Variants in DEFA5 observed in about 807,000 individuals in gnomAD.
DEFA5 encodes the protein HD5(20-94).
Under a neutral mutation model 8.7 loss-of-function variants are expected in DEFA5, and 11 were observed. That is an observed-to-expected ratio of 1.26 (90% confidence interval 0.80 to 2.09). DEFA5 has a LOEUF of 2.09. Among genes scored for constraint, DEFA5 ranks in the 30% most tolerant of loss-of-function variants. DEFA5 has a pLI of 0.00. For synonymous variants in DEFA5, 52 were observed against 43.9 expected (o/e 1.18, Z -0.73); for missense variants, 181 against 117.2 (o/e 1.54, Z -2.52).
In DEFA5 at chr8:7,055,551, A is replaced by G; in HGVS notation, c.173-8T>C. ...TGGCTCTTGCCTGAGAACCTGTGGA[A>G]AGAAGAGAGGGTCAGGCACAGCGAG... On this transcript the variant is annotated splice_region_variant and splice_polypyrimidine_tract_variant and intron_variant, in intron 1 of 1. Coordinates refer to ENST00000330590, the MANE Select transcript of DEFA5 (RefSeq NM_021010.3). The G allele has an allele frequency of 6.2e-7, 1 of 1,600,542 alleles. No homozygotes were observed. Among genetic ancestry groups the G allele is most frequent in the Non-Finnish European group, 8.5e-7 (1 of 1,169,762 alleles).
chr8:7,055,786 A>G (rs1000578510), intron 1 of DEFA5, among the ~76,000 whole-genome samples: 13 of 152,128 alleles, frequency 8.5e-5, no homozygotes, highest in African/African-American at 3.1e-4. Context: ...CCCTGGTCCA[A>G]CAATATACCT....
intron 1 of DEFA5, among the ~76,000 whole-genome samples, 186 bp from the exon 2 acceptor site, chr8:7,055,729 GT>G (rs942145092): frequency 2.0e-5 from 3 of 152,240 alleles, no homozygotes; most frequent in East Asian, 1.9e-4. Context: ...CAAGATCATA[GT>G]TTTTTTCCCC....
Position 7,056,540 on chromosome 8 carries a change from G to T in DEFA5, c.158C>A (p.Ala53Asp), listed in dbSNP as rs1331393482. ...AISFAGNGLS[A>D]LRTSGSQARA... ...ATGTCTCCTACCTGAGGTTCTAAGA[G>T]CAGAGAGTCCATTTCCTGCAAAGGA... The change falls in exon 1 of 2, where the codon GCT (alanine) becomes GAT (aspartate). Residue 53 changes from alanine (A) to aspartate (D), a missense_variant. By Grantham distance (126) the Ala-to-Asp change is moderately radical. Coordinates refer to ENST00000330590, the MANE Select transcript of DEFA5 (RefSeq NM_021010.3). 1 of 1,612,036 alleles carries T rather than the reference G, an allele frequency of 6.2e-7. No individual in the cohort carries two copies. Among genetic ancestry groups the T allele is most frequent in the Non-Finnish European group, 8.5e-7 (1 of 1,178,420 alleles).
chr8:7,055,474 A>G lies in DEFA5; in HGVS notation c.242T>C (p.Val81Ala), dbSNP rs1197233451. The G allele has an allele frequency of 6.2e-7, 1 of 1,613,664 alleles. No individual in the cohort carries two copies. Residue 81 changes from valine to alanine, a missense_variant, in exon 2 of 2, where the codon GTG becomes GCG. By Grantham distance (64) the Val-to-Ala change is moderately conservative. Transcript: ENST00000330590. ...RCATRESLSG[V>A]CEISGRLYRL... Reference sequence around the variant, plus strand: ...GTAGAGGCGGCCACTGATTTCACACACCCCGGAGAGGGACTCACGGGTAGC... The same window carrying G: ...GTAGAGGCGGCCACTGATTTCACACGCCCCGGAGAGGGACTCACGGGTAGC...
At chr8:7,056,451 C>T in intron 1 of DEFA5, 75 bp downstream of exon 1, 1 of 1,460,610 alleles carries the variant, frequency 6.8e-7, no homozygotes, top group Non-Finnish European at 9.2e-7. Context: ...TAGACCTTTC[C>T]ACACTTGACT....
At position 7,056,580 on chromosome 8, in the gene DEFA5, G is replaced by T. The variant is rs142230452; in HGVS notation, c.118C>A (p.Gln40Lys). Reference protein sequence around the residue: ...TTQKQSGEDNQDLAISFAGNG... With the variant: ...TTQKQSGEDNKDLAISFAGNG... ...CCTGCAAAGGAGATAGCAAGGTCCTGGTTGTCTTCCCCAGACTGCTTCTGG... is the reference window on the plus strand; with the variant it reads ...CCTGCAAAGGAGATAGCAAGGTCCTTGTTGTCTTCCCCAGACTGCTTCTGG... Residue 40 changes from glutamine to lysine, a missense_variant, in exon 1 of 2, where the codon CAG becomes AAG. Physicochemically the swap from Gln to Lys is moderately conservative, Grantham distance 53 (BLOSUM62 1). Coordinates refer to ENST00000330590, the MANE Select transcript of DEFA5 (RefSeq NM_021010.3). 225 of 1,613,964 alleles carry T rather than the reference G, an allele frequency of 1.4e-4. No homozygotes were observed. The highest frequency in any genetic ancestry group is 1.8e-4 in the Non-Finnish European group (211 of 1,179,960).
Position 7,055,445 on chromosome 8 carries a change from G to A in DEFA5, c.271C>T (p.Leu91Phe), listed in dbSNP as rs1401751326. 1.2e-6 allele frequency: 2 copies of A among 1,613,770 alleles called. No homozygotes were observed. Among genetic ancestry groups the A allele is most frequent in the South Asian group, 1.1e-5 (1 of 91,022 alleles). Reference sequence around the variant, plus strand: ...ATCTAGGAAGCTCAGCGACAGCAGAGTCTGTAGAGGCGGCCACTGATTTCA... The same window carrying A: ...ATCTAGGAAGCTCAGCGACAGCAGAATCTGTAGAGGCGGCCACTGATTTCA... ...VCEISGRLYR[L>F]CCR Residue 91 changes from leucine (L) to phenylalanine (F), a missense_variant, in exon 2 of 2, where the codon CTC becomes TTC. Leu to Phe is a conservative substitution (Grantham distance 22). Coordinates refer to ENST00000330590, the MANE Select transcript of DEFA5 (RefSeq NM_021010.3).
At position 7,056,543 on chromosome 8, in the gene DEFA5, G is replaced by A. The variant is rs1267769714; in HGVS notation, c.155C>T (p.Ser52Phe). 6.2e-7 allele frequency: 1 copy of A among 1,612,318 alleles called. No homozygotes were observed. The highest frequency in any genetic ancestry group is 2.2e-5 in the East Asian group (1 of 44,842). ...LAISFAGNGL[S>F]ALRTSGSQAR... ...TCTCCTACCTGAGGTTCTAAGAGCA[G>A]AGAGTCCATTTCCTGCAAAGGAGAT... Residue 52 changes from serine (S) to phenylalanine (F), a missense_variant, in exon 1 of 2, where the codon TCT becomes TTT. Coordinates refer to ENST00000330590, the MANE Select transcript of DEFA5 (RefSeq NM_021010.3).
chr8:7,056,125 T>G (rs148117127), intron 1 of DEFA5, among the ~76,000 whole-genome samples: 6 of 151,730 alleles, frequency 4.0e-5, no homozygotes, highest in African/African-American at 1.5e-4. Context: ...GATCTAAGGA[T>G]GTATTGTAGA....
chr8:7,056,348 G>T (rs555958685), intron 1 of DEFA5, among the ~76,000 whole-genome samples, 178 bp downstream of exon 1: 2 of 152,278 alleles, frequency 1.3e-5, no homozygotes, highest in South Asian at 4.1e-4. Context: ...TTAGAAAAAA[G>T]AAAATCTTTT....
At chr8:7,056,149 G>A (rs1045407378) in intron 1 of DEFA5, among the ~76,000 whole-genome samples, 10 of 150,732 alleles carry the variant, frequency 6.6e-5, no homozygotes, top group African/African-American at 2.4e-4. Flanking sequence ...ATTTAATCAA[G>A]CCTATTAGCC....
chr8:7,056,507 C>T lies in DEFA5; in HGVS notation c.172+19G>A. The T allele has an allele frequency of 6.3e-7, 1 of 1,589,828 alleles. No homozygotes were observed. The highest frequency in any genetic ancestry group is 8.6e-7 in the Non-Finnish European group (1 of 1,162,164). Reference sequence around the variant, plus strand: ...TTTTTTTCTAGATTTTGCAGATGTGCAAGATTGATGTCTCCTACCTGAGGT... The same window carrying T: ...TTTTTTTCTAGATTTTGCAGATGTGTAAGATTGATGTCTCCTACCTGAGGT... On this transcript the variant is annotated intron_variant, in intron 1 of 1. Coordinates refer to ENST00000330590, the MANE Select transcript of DEFA5 (RefSeq NM_021010.3).
chr8:7,056,031 T>C (rs1210417361), intron 1 of DEFA5, among the ~76,000 whole-genome samples: 2 of 151,148 alleles, frequency 1.3e-5, no homozygotes, highest in Non-Finnish European at 3.0e-5. Context: ...TTTTTTTTTT[T>C]TTTTTTTTAA....
Position 7,055,977 on chromosome 8 carries a change from G to C in DEFA5, c.173-434C>G, listed in dbSNP as rs141473736. Among the ~76,000 whole-genome samples the C allele has an allele frequency of 2.1e-4, 30 of 144,042 alleles. No individual in the cohort carries two copies. In the East Asian group the frequency reaches 6.4e-3, roughly 31 times the overall value. 94.5% of individuals were successfully genotyped at this position (144,042 alleles called of 152,430 possible). ...CTTTGGTGCTCAAGGAGTCTTTGAA[G>C]ACTTTCCAAATTCAAATTCTTCATT... On this transcript the variant is annotated intron_variant, in intron 1 of 1. Transcript: ENST00000330590.
intron 1 of DEFA5, among the ~76,000 whole-genome samples, chr8:7,056,014 C>T (rs952281510): frequency 1.8e-5 from 2 of 112,944 alleles, no homozygotes; most frequent in African/African-American, 3.5e-5. Context: ...TCTGTCTCTC[C>T]TTTTTTTTTT....
chr8:7,055,594 C>G (rs901053288), intron 1 of DEFA5, 51 bp from the exon 2 acceptor site: 12 of 1,226,216 alleles, frequency 9.8e-6, no homozygotes, highest in African/African-American at 2.9e-5. Context: ...GGAAAAAGGA[C>G]AAGCACAGCC....
chr8:7,055,692 A>T (rs1000617017), intron 1 of DEFA5, 149 bp from the exon 2 acceptor site: 1 of 629,192 alleles, frequency 1.6e-6, no homozygotes, highest in African/African-American at 1.8e-5. Flanking sequence ...AGTGACAAGA[A>T]ATCTTACTAG....
At chr8:7,056,459 A>C in intron 1 of DEFA5, 67 bp downstream of exon 1, 1 of 1,488,442 alleles carries the variant, frequency 6.7e-7, no homozygotes. Flanking sequence ...TCCACACTTG[A>C]CTCCAGATCC....
Position 7,056,588 on chromosome 8 carries a change from TC to T in DEFA5, c.109del (p.Glu37LysfsTer63), listed in dbSNP as rs1367127288. 6.2e-7 allele frequency: 1 copy of T among 1,614,042 alleles called. No homozygotes were observed. Among genetic ancestry groups the T allele is most frequent in the Admixed American group, 1.7e-5 (1 of 60,008 alleles). The stretch of plus-strand genomic sequence containing the variant: ...GGAGATAGCAAGGTCCTGGTTGTCT[TC>T]CCCAGACTGCTTCTGGGTTGTAGCC... The part of the protein sequence containing the change: ...DEATTQKQSG[E>X]DNQDLAISFA... On this transcript the variant is annotated frameshift_variant, in exon 1 of 2. Transcript: ENST00000330590. LOFTEE classifies it high-confidence loss of function.
Sources: allele counts gnomAD v4.1 joint callset (sites outside exome capture counted in the v4.1 genomes callset), GRCh38; gene constraint gnomAD v4.1.1; transcripts MANE v1.5; gene names NCBI Gene and HGNC (gene_info 2026-07-23, HGNC 2026-07-21).